The following FLI1 variants were observed in gnomAD, a reference collection of about 807,000 sequenced individuals.
The protein encoded by FLI1 is Fli-1 proto-oncogene, ETS transcription factor.
FLI1 carries 13 observed loss-of-function variants against 53.1 expected under a neutral mutation model. The observed-to-expected ratio is 0.24, with a 90% CI of 0.16 to 0.39. The LOEUF is 0.39. Ranked by LOEUF, FLI1 falls within the 10% of genes least tolerant of loss-of-function variation. FLI1 has a pLI of 1.00. For missense variants in FLI1, 424 were observed against 600.5 expected (o/e 0.71, Z 3.07); for synonymous variants, 244 against 236.7 (o/e 1.03, Z -0.28).
At chr11:128,692,987 C>T (rs1475289458), upstream of FLI1, 2 of 152,436 alleles carry the variant, frequency 1.3e-5, no homozygotes, top group Non-Finnish European at 1.5e-5. Flanking sequence ...CGGGTCTCAC[C>T]CCGGGAAAAG....
rs1363259180 is a variant in FLI1, at chr11:128,809,179, G to A, written c.804G>A (p.Pro268=). 11 of 1,613,744 alleles carry A rather than the reference G, an allele frequency of 6.8e-6. No homozygotes were observed. Among genetic ancestry groups the A allele is most frequent in the African/African-American group, 4.0e-5 (3 of 74,896 alleles). Residue 268 remains proline, a synonymous_variant, in exon 8 of 9, where the codon CCG becomes CCA. Coordinates refer to ENST00000527786, the MANE Select transcript of FLI1 (RefSeq NM_002017.5). The part of the protein sequence containing the change: ...PQPDPYQILG[P]TSSRLANPGS... ...TAGATCCGTATCAGATCCTGGGCCCGACCAGCAGTCGCCTAGCCAACCCTG... is the reference window on the plus strand; with the variant it reads ...TAGATCCGTATCAGATCCTGGGCCCAACCAGCAGTCGCCTAGCCAACCCTG...
chr11:128,760,119 G>C (rs1425548014), intron 2 of FLI1, among the ~76,000 whole-genome samples: 2 of 152,204 alleles, frequency 1.3e-5, no homozygotes, highest in African/African-American at 4.8e-5. Context: ...ATGTAATTCT[G>C]ATGGTGCCGG....
chr11:128,727,115 G>A (rs1330917596), intron 1 of FLI1, among the ~76,000 whole-genome samples: 1 of 152,170 alleles, frequency 6.6e-6, no homozygotes, highest in Non-Finnish European at 1.5e-5. Flanking sequence ...CATGTCCGTA[G>A]TTGAAAGAAT....
intron 2 of FLI1, among the ~76,000 whole-genome samples, chr11:128,765,013 C>G (rs1015300748): frequency 2.0e-5 from 3 of 151,300 alleles, no homozygotes; most frequent in African/African-American, 7.3e-5. Context: ...CCAAACCGAT[C>G]ACCTGTCCAG....
intron 1 of FLI1, among the ~76,000 whole-genome samples, chr11:128,733,913 T>C (rs1219054855): frequency 2.0e-5 from 3 of 152,232 alleles, no homozygotes; most frequent in African/African-American, 7.2e-5. Flanking sequence ...AGCTCCCACA[T>C]GCTCCTCCTA....
In FLI1 at chr11:128,758,095, T is replaced by C. The variant is rs755209915; in HGVS notation, c.19-20T>C. ...GTGAAGAGTGACACTGGGCTTTCTG[T>C]CTCTTCTCTGGCCCTGCAGGAGGCT... On this transcript the variant is annotated intron_variant, in intron 1 of 8. Coordinates refer to ENST00000527786, the MANE Select transcript of FLI1 (RefSeq NM_002017.5). 3 of 1,600,164 alleles carry C rather than the reference T, an allele frequency of 1.9e-6. No homozygotes were observed. The highest frequency in any genetic ancestry group is 1.1e-5 in the South Asian group (1 of 88,934).
intron 1 of FLI1, among the ~76,000 whole-genome samples, chr11:128,745,329 G>A (rs115791288): frequency 0.012 from 1,825 of 152,178 alleles, 39 homozygotes; most frequent in African/African-American, 0.041. Flanking sequence ...GCGCAGAGAC[G>A]GCCCTGGCTG....
chr11:128,736,230 A>G (rs1327725402), intron 1 of FLI1, among the ~76,000 whole-genome samples: 1 of 141,960 alleles, frequency 7.0e-6, no homozygotes, highest in East Asian at 2.3e-4. Flanking sequence ...AGCTGTAGGC[A>G]TTCATTCATA....
At chr11:128,773,582 C>T (rs1400440397) in intron 4 of FLI1, among the ~76,000 whole-genome samples, 6 of 148,640 alleles carry the variant, frequency 4.0e-5, no homozygotes, top group African/African-American at 1.0e-4. Flanking sequence ...TTGGAAAGGG[C>T]GAGCTTAAGA....
upstream of FLI1, chr11:128,691,731 G>C (rs928200864): frequency 2.6e-5 from 4 of 152,526 alleles, no homozygotes; most frequent in African/African-American, 9.7e-5. Context: ...AATTCCAGTG[G>C]GGGAGGCAGC....
At chr11:128,782,064 C>T (rs1941933439) in intron 5 of FLI1, 41 bp downstream of exon 5, 3 of 1,473,134 alleles carry the variant, frequency 2.0e-6, no homozygotes, top group African/African-American at 2.8e-5. Context: ...TTCTTCTGTA[C>T]CAGACATGAC....
intron 4 of FLI1, among the ~76,000 whole-genome samples, chr11:128,781,417 G>A (rs759227638): frequency 1.3e-5 from 2 of 152,194 alleles, no homozygotes; most frequent in Non-Finnish European, 2.9e-5. Context: ...GTGGCCCATG[G>A]ACAAAGCAAA....
chr11:128,811,861 A>G lies in FLI1; in HGVS notation c.*873A>G, dbSNP rs1942945448. On this transcript the variant is annotated 3_prime_UTR_variant, in exon 9 of 9. Transcript: ENST00000527786. ...AAATTATGCAGAGTTATTTTCCTAT[A>G]TCTCACAGTATTAAAAATAAATAAT... The G allele has an allele frequency of 5.1e-6, 1 of 197,042 alleles. No homozygotes were observed. The highest frequency in any genetic ancestry group is 1.8e-3 in the Middle Eastern group (1 of 568). 12.2% of individuals were successfully genotyped at this position (197,042 alleles called of 1,614,324 possible). A position where few individuals can be genotyped will look rare whatever the true frequency, so the allele number is the denominator to read the frequency against.
chr11:128,795,835 C>T (rs1416573046), intron 5 of FLI1, among the ~76,000 whole-genome samples: 1 of 152,236 alleles, frequency 6.6e-6, no homozygotes, highest in African/African-American at 2.4e-5. Flanking sequence ...CAGGCGTGAG[C>T]CACTGCGCCC....
At chr11:128,726,270 C>T (rs142271591) in intron 1 of FLI1, among the ~76,000 whole-genome samples, 167 of 152,180 alleles carry the variant, frequency 1.1e-3, no homozygotes, top group Non-Finnish European at 1.8e-3. Context: ...AGAACACTCC[C>T]GATTACACAT....
At position 128,694,227 on chromosome 11, in the gene FLI1, A is replaced by G; in HGVS notation, c.-32A>G. The G allele has an allele frequency of 6.6e-7, 1 of 1,510,926 alleles. No individual in the cohort carries two copies. The highest frequency in any genetic ancestry group is 8.9e-7 in the Non-Finnish European group (1 of 1,129,292). The allele number at this position is 1,510,926 out of a possible 1,614,324, so 93.6% of individuals were successfully genotyped here. On this transcript the variant is annotated 5_prime_UTR_variant, in exon 1 of 9. Transcript: ENST00000527786. ...GGCTGTAACCGGGTCAATGTGTGGA[A>G]TATTGGGGGGCTCGGCTGCAGACTT...
At position 128,737,799 on chromosome 11, in the gene FLI1, G is replaced by C. The variant is rs112233582; in HGVS notation, c.19-20316G>C. Among the ~76,000 whole-genome samples, 702 of 152,280 alleles carry C rather than the reference G, an allele frequency of 4.6e-3. 4 individuals are homozygous for C. Among genetic ancestry groups the C allele is most frequent in the African/African-American group, 0.015 (635 of 41,530 alleles). On this transcript the variant is annotated intron_variant, in intron 1 of 8. Transcript: ENST00000527786. ...TTTTGTTGTGAGGTTCTTGTGGAAG[G>C]TTCACTTTCTATCTACCTGCAGACA... is the stretch of plus-strand genomic sequence containing the variant.
At chr11:128,701,013 G>A (rs1938309436) in intron 1 of FLI1, among the ~76,000 whole-genome samples, 1 of 152,174 alleles carries the variant, frequency 6.6e-6, no homozygotes, top group Non-Finnish European at 1.5e-5. Flanking sequence ...AATGAAGATG[G>A]AAGTGGCTCC....
chr11:128,795,676 G>A lies in FLI1; in HGVS notation c.656-9690G>A, dbSNP rs182298212. Reference sequence around the variant, plus strand: ...CACCATTCTCCTGCCTCAGCCTCCCGAGTAGCTGGGACTACAGGCACCCAC... The same window carrying A: ...CACCATTCTCCTGCCTCAGCCTCCCAAGTAGCTGGGACTACAGGCACCCAC... On this transcript the variant is annotated intron_variant, in intron 5 of 8. Transcript: ENST00000527786. Among the ~76,000 whole-genome samples, 678 of 148,754 alleles carry A rather than the reference G, an allele frequency of 4.6e-3. 3 individuals carry two copies. Among genetic ancestry groups the A allele is most frequent in the Admixed American group, 7.1e-3 (105 of 14,706 alleles).
Sources: gnomAD v4.1 joint callset for allele counts (sites outside exome capture counted in the v4.1 genomes callset) on GRCh38, gnomAD v4.1.1 for gene constraint, MANE v1.5 for transcripts, NCBI Gene and HGNC (gene_info 2026-07-23, HGNC 2026-07-21) for gene names.